GAP43: variants seen among roughly 807,000 people sequenced by gnomAD.
GAP43 encodes the protein growth associated protein 43.
Under a neutral mutation model 18.6 loss-of-function variants are expected in GAP43, and 6 were observed. The ratio of observed to expected loss-of-function variants is 0.32; its 90% CI spans 0.18 to 0.64. GAP43 has a LOEUF of 0.64. Ranked by LOEUF, GAP43 falls within the 30% of genes least tolerant of loss-of-function variation. The probability of loss-of-function intolerance (pLI) is 0.78; values close to 1 mark genes in which losing one functional copy is unlikely to be tolerated. For missense variants in GAP43, 292 were observed against 295.5 expected (o/e 0.99, Z 0.09); for synonymous variants, 115 against 111.4 (o/e 1.03, Z -0.20).
chr3:115,631,543 CAA>C (rs1708260208), intron 1 of GAP43, among the ~76,000 whole-genome samples: 1 of 152,150 alleles, frequency 6.6e-6, no homozygotes, highest in Non-Finnish European at 1.5e-5. Flanking sequence ...TCTAAGCAAA[CAA>C]GAAGTACTCT....
At chr3:115,698,091 T>TTATATATAATATATAATATATATAA (rs1709228650) in intron 2 of GAP43, among the ~76,000 whole-genome samples, 1 of 56,846 alleles carries the variant, frequency 1.8e-5, no homozygotes, top group African/African-American at 8.2e-5. Context: ...AAAATATGTA[T>TTATATATAATATATAATATATATAA]TATATATAAT....
At chr3:115,625,391 G>A (rs1392372573) in intron 1 of GAP43, among the ~76,000 whole-genome samples, 1 of 151,908 alleles carries the variant, frequency 6.6e-6, no homozygotes, top group African/African-American at 2.4e-5. Context: ...TTTTCTCTCT[G>A]TGTCCTCCTT....
At chr3:115,663,094 C>G (rs1027399346) in intron 1 of GAP43, among the ~76,000 whole-genome samples, 1 of 152,158 alleles carries the variant, frequency 6.6e-6, no homozygotes, top group Non-Finnish European at 1.5e-5. Context: ...ACTACACAGT[C>G]ATCAAACATA....
rs532202285 is a variant in GAP43 at position 115,623,878 on chromosome 3, T to C, written c.30+159T>C. ...GATGGTTGCATCCCAGCTTTTATTC[T>C]TTTCTGTCTTTCATGCTCTGGTTTT... On this transcript the variant is annotated intron_variant, in intron 1 of 2. Transcript: ENST00000305124. 1.8e-4 allele frequency among the ~76,000 whole-genome samples: 28 copies of C among 152,342 alleles called. 1 individual carries two copies. The East Asian group carries it at 5.4e-3, about 29-fold the overall frequency.
intron 1 of GAP43, among the ~76,000 whole-genome samples, chr3:115,647,773 G>A (rs62264812): frequency 7.6e-6 from 1 of 131,580 alleles, no homozygotes. Flanking sequence ...AAAAAAAACG[G>A]CCTGATAGGG....
chr3:115,675,662 G>A (rs1405818183), intron 1 of GAP43, among the ~76,000 whole-genome samples: 1 of 147,138 alleles, frequency 6.8e-6, no homozygotes, highest in African/African-American at 2.5e-5. Flanking sequence ...GGGAGGTCAA[G>A]GCAGGAGAAT....
chr3:115,714,529 T>G (rs1221154968), intron 2 of GAP43, among the ~76,000 whole-genome samples: 1 of 152,116 alleles, frequency 6.6e-6, no homozygotes, highest in East Asian at 1.9e-4. Context: ...TTTAATCAAG[T>G]TTTTGAGCCT....
intron 2 of GAP43, among the ~76,000 whole-genome samples, chr3:115,704,109 A>G (rs1709330695): frequency 1.3e-5 from 2 of 152,118 alleles, no homozygotes; most frequent in South Asian, 4.1e-4. Context: ...GCATTTATTT[A>G]CACACATGCA....
intron 1 of GAP43, among the ~76,000 whole-genome samples, chr3:115,658,229 G>T (rs187521190): frequency 6.6e-6 from 1 of 152,128 alleles, no homozygotes; most frequent in East Asian, 1.9e-4. Flanking sequence ...GGAGAGGAGA[G>T]GGTTGAAGCA....
intron 1 of GAP43, among the ~76,000 whole-genome samples, chr3:115,640,841 A>T (rs867788024): frequency 6.6e-5 from 10 of 151,982 alleles, no homozygotes; most frequent in South Asian, 4.1e-4. Context: ...ATGAGCTTTT[A>T]TTACCACCTA....
rs201526194 is a variant in GAP43, at chr3:115,676,013, G to T, written c.31G>T (p.Val11Phe). Reference protein sequence around the residue: MLCCMRRTKQVEKNDDDQKIE... With the variant: MLCCMRRTKQFEKNDDDQKIE... ...CTTTTCCCTTCTTTTCTCGACAAAG[G>T]TTGAAAAAAATGATGACGACCAAAA... The change falls in exon 2 of 3, where the codon GTT (valine) becomes TTT (phenylalanine). Residue 11 changes from valine to phenylalanine, a missense_variant and splice_region_variant. Coordinates refer to ENST00000305124, the MANE Select transcript of GAP43 (RefSeq NM_002045.4). The T allele has an allele frequency of 5.5e-5, 87 of 1,594,394 alleles. No individual in the cohort carries two copies. Among genetic ancestry groups the T allele is most frequent in the Non-Finnish European group, 7.3e-5 (85 of 1,172,126 alleles).
chr3:115,704,767 A>AT (rs1234697254), intron 2 of GAP43, among the ~76,000 whole-genome samples: 1 of 152,084 alleles, frequency 6.6e-6, no homozygotes, highest in Admixed American at 6.6e-5. Flanking sequence ...ATATGATCTA[A>AT]TGGAGGATCG....
At chr3:115,638,773 C>T (rs139004093) in intron 1 of GAP43, among the ~76,000 whole-genome samples, 62 of 151,850 alleles carry the variant, frequency 4.1e-4, no homozygotes, top group African/African-American at 1.3e-3. Context: ...TGTTTATTTC[C>T]GTGATAATAA....
chr3:115,663,640 C>T (rs1192031019), intron 1 of GAP43: 9 of 1,420,728 alleles, frequency 6.3e-6, no homozygotes, highest in Non-Finnish European at 1.8e-6. Flanking sequence ...GTCATAACAC[C>T]TCAGCCCTTG....
intron 2 of GAP43, among the ~76,000 whole-genome samples, chr3:115,720,374 A>T (rs1709561638): frequency 6.6e-6 from 1 of 152,210 alleles, no homozygotes; most frequent in Non-Finnish European, 1.5e-5. Flanking sequence ...AATGAGTGGT[A>T]AGAAACTTGG....
At chr3:115,720,665 C>A in intron 2 of GAP43, 129 bp from the exon 3 acceptor site, 1 of 582,936 alleles carries the variant, frequency 1.7e-6, no homozygotes, top group Non-Finnish European at 3.1e-6. Flanking sequence ...TATTAATAAT[C>A]TCTTTTAATC....
At chr3:115,665,380 A>G (rs972914681) in intron 1 of GAP43, among the ~76,000 whole-genome samples, 2 of 152,124 alleles carry the variant, frequency 1.3e-5, no homozygotes, top group Non-Finnish European at 2.9e-5. Context: ...GAATTCTTAG[A>G]TTGAATTTTC....
intron 1 of GAP43, among the ~76,000 whole-genome samples, chr3:115,641,031 T>C (rs1385566707): frequency 7.1e-6 from 1 of 140,204 alleles, no homozygotes; most frequent in Admixed American, 7.4e-5. Context: ...TTCTGTTTTT[T>C]TTTTTCTTTT....
intron 2 of GAP43, among the ~76,000 whole-genome samples, chr3:115,709,866 C>T (rs981736335): frequency 7.5e-6 from 1 of 134,138 alleles, no homozygotes; most frequent in African/African-American, 2.8e-5. Flanking sequence ...TATATATATA[C>T]ACACACATGA....
Sources: allele counts gnomAD v4.1 joint callset (sites outside exome capture counted in the v4.1 genomes callset), GRCh38; gene constraint gnomAD v4.1.1; transcripts MANE v1.5; gene names NCBI Gene and HGNC (gene_info 2026-07-23, HGNC 2026-07-21).